SH3BP5: variants seen among roughly 807,000 people sequenced by gnomAD.
The protein encoded by SH3BP5 is SH3 domain binding protein 5.
In SH3BP5, 22 loss-of-function variants were observed where a neutral mutation model predicts 43.3. The ratio of observed to expected loss-of-function variants is 0.51; its 90% CI spans 0.36 to 0.73. The LOEUF (loss-of-function observed/expected upper bound fraction) is 0.73. Ranked by LOEUF, SH3BP5 falls within the 30% of genes least tolerant of loss-of-function variation. The probability of loss-of-function intolerance (pLI) is 0.00; values close to 1 mark genes in which losing one functional copy is unlikely to be tolerated. For missense variants in SH3BP5, 529 were observed against 586.9 expected (o/e 0.90, Z 1.02); for synonymous variants, 255 against 225.8 (o/e 1.13, Z -1.16).
intron 3 of SH3BP5, among the ~76,000 whole-genome samples, chr3:15,297,490 A>C (rs984742127): frequency 3.3e-5 from 5 of 152,218 alleles, no homozygotes; most frequent in African/African-American, 1.2e-4. Context: ...TATTGGATCC[A>C]AATGCTTTAC....
chr3:15,278,145 C>T (rs1465059434), intron 3 of SH3BP5, among the ~76,000 whole-genome samples: 1 of 152,238 alleles, frequency 6.6e-6, no homozygotes, highest in Admixed American at 6.5e-5. Context: ...AGCCTCTGTC[C>T]TTTTTAACTT....
At chr3:15,297,609 T>C (rs527720102) in intron 3 of SH3BP5, among the ~76,000 whole-genome samples, 37 of 152,282 alleles carry the variant, frequency 2.4e-4, no homozygotes, top group Non-Finnish European at 4.1e-4. Flanking sequence ...TGACTGACTT[T>C]AGCCCGTAAG....
intron 8 of SH3BP5, 93 bp from the exon 9 acceptor site, chr3:15,256,396 A>AAAG: frequency 5.1e-6 from 7 of 1,362,944 alleles, no homozygotes; most frequent in Non-Finnish European, 7.1e-6. Flanking sequence ...GAGTATTGAC[A>AAAG]ATTCTAAGTC....
chr3:15,276,162 G>A (rs1173430529), intron 3 of SH3BP5: 2 of 151,964 alleles, frequency 1.3e-5, no homozygotes, highest in South Asian at 2.1e-4. Context: ...GGCGGGTAGA[G>A]AAGCCTGGCA....
chr3:15,286,111 G>T (rs966617627), intron 3 of SH3BP5, among the ~76,000 whole-genome samples: 6 of 152,224 alleles, frequency 3.9e-5, no homozygotes, highest in African/African-American at 7.2e-5. Flanking sequence ...GGCGGGCCCT[G>T]GCCAGAGCAG....
intron 8 of SH3BP5, 132 bp downstream of exon 8, chr3:15,256,721 G>T: frequency 9.2e-7 from 1 of 1,086,116 alleles, no homozygotes; most frequent in Non-Finnish European, 1.3e-6. Context: ...GATCAATACT[G>T]ACAGCACAAC....
chr3:15,284,253 A>AT (rs1697205433), intron 3 of SH3BP5, among the ~76,000 whole-genome samples: 1 of 151,860 alleles, frequency 6.6e-6, no homozygotes, highest in South Asian at 2.1e-4. Flanking sequence ...CTGCACACCC[A>AT]TTTTGCCAAG....
At chr3:15,337,084 GTTT>G (rs374056927), upstream of SH3BP5, among the ~76,000 whole-genome samples, 13 of 100,128 alleles carry the variant, frequency 1.3e-4, no homozygotes, top group South Asian at 3.3e-4. Context: ...TTTTAGTTTA[GTTT>G]TTTTTTTTTT....
Position 15,332,583 on chromosome 3 carries a change from A to C in SH3BP5, c.-175T>G, listed in dbSNP as rs2124834778. The stretch of plus-strand genomic sequence containing the variant: ...CGGATACCTCCGGCCGCGGCGGAGC[A>C]GAGGAAATGGGCGCGGCCGCCCCCT... On this transcript the variant is annotated 5_prime_UTR_variant, in exon 1 of 9. Coordinates refer to ENST00000383791, the MANE Select transcript of SH3BP5 (RefSeq NM_004844.5). 1 of 1,209,924 alleles carries C rather than the reference A, an allele frequency of 8.3e-7. No homozygotes were observed. The highest frequency in any genetic ancestry group is 1.0e-6 in the Non-Finnish European group (1 of 975,140). The allele number at this position is 1,209,924 out of a possible 1,614,324, so 74.9% of individuals were successfully genotyped here.
chr3:15,256,334 G>T (rs763543739), intron 8 of SH3BP5, 31 bp from the exon 9 acceptor site: 1 of 1,594,244 alleles, frequency 6.3e-7, no homozygotes, highest in Non-Finnish European at 8.6e-7. Context: ...TCAAAAGTGA[G>T]TATTGACAAT....
intron 3 of SH3BP5, among the ~76,000 whole-genome samples, chr3:15,287,844 C>T (rs1271567453): frequency 1.3e-5 from 2 of 152,062 alleles, no homozygotes; most frequent in Non-Finnish European, 2.9e-5. Context: ...GTCCAGATGC[C>T]GAAAGACAAG....
chr3:15,318,326 T>A (rs1388232222), intron 2 of SH3BP5, among the ~76,000 whole-genome samples: 1 of 152,110 alleles, frequency 6.6e-6, no homozygotes, highest in Non-Finnish European at 1.5e-5. Flanking sequence ...ATCACCATAT[T>A]TAACCCTTAA....
intron 2 of SH3BP5, among the ~76,000 whole-genome samples, chr3:15,329,096 G>A (rs573472642): frequency 2.0e-5 from 3 of 151,986 alleles, no homozygotes; most frequent in Non-Finnish European, 4.4e-5. Flanking sequence ...GTTGCAGTGA[G>A]CAGACATCAC....
At chr3:15,262,399 T>C (rs1039691796) in intron 4 of SH3BP5, 110 bp from the exon 5 acceptor site, 27 of 1,352,520 alleles carry the variant, frequency 2.0e-5, no homozygotes, top group Non-Finnish European at 2.4e-5. Flanking sequence ...TGGTGACACA[T>C]GTGTAATCCC....
chr3:15,267,311 T>A (rs1696672118), intron 4 of SH3BP5, among the ~76,000 whole-genome samples: 1 of 152,192 alleles, frequency 6.6e-6, no homozygotes, highest in South Asian at 2.1e-4. Context: ...ATCCATTACA[T>A]TCGGAGAGCC....
Position 15,256,309 on chromosome 3 carries a change from G to A in SH3BP5, c.1151-6C>T, listed in dbSNP as rs375218698. 6.0e-5 allele frequency: 96 copies of A among 1,611,098 alleles called. No individual in the cohort carries two copies. In the African/African-American group the frequency reaches 1.2e-3, roughly 21 times the overall value. ...TGCCCCTTCTGCCCTGTCTCCTATA[G>A]AAATACAAGGATTATCAAAAGTGAG... On this transcript the variant is annotated splice_region_variant and splice_polypyrimidine_tract_variant and intron_variant, in intron 8 of 8. Coordinates refer to ENST00000383791, the MANE Select transcript of SH3BP5 (RefSeq NM_004844.5).
chr3:15,293,633 T>C (rs1458918209), intron 3 of SH3BP5, among the ~76,000 whole-genome samples: 1 of 152,176 alleles, frequency 6.6e-6, no homozygotes, highest in East Asian at 1.9e-4. Context: ...GTCTTTCAGA[T>C]TTGCAAATAG....
chr3:15,315,859 G>A (rs1031302390), intron 2 of SH3BP5, among the ~76,000 whole-genome samples: 6 of 152,158 alleles, frequency 3.9e-5, no homozygotes, highest in African/African-American at 1.4e-4. Flanking sequence ...GAAAAAATGA[G>A]GGAAAGATGC....
chr3:15,326,251 CG>C (rs1698460990), intron 2 of SH3BP5, among the ~76,000 whole-genome samples: 1 of 152,108 alleles, frequency 6.6e-6, no homozygotes, highest in African/African-American at 2.4e-5. Context: ...CCAAGTGACA[CG>C]GCAGATGGCT....
Sources: allele counts gnomAD v4.1 joint callset (sites outside exome capture counted in the v4.1 genomes callset), GRCh38; gene constraint gnomAD v4.1.1; transcripts MANE v1.5; gene names NCBI Gene and HGNC (gene_info 2026-07-23, HGNC 2026-07-21).